TTC6: variants seen among roughly 807,000 people sequenced by gnomAD.
The protein encoded by TTC6 is tetratricopeptide repeat domain 6.
In TTC6, 172 loss-of-function variants were observed where a neutral mutation model predicts 210.4. The observed-to-expected ratio is 0.82, with a 90% CI of 0.72 to 0.93. TTC6 has a LOEUF of 0.93. Among genes scored for constraint, TTC6 ranks in the 40% least tolerant of loss-of-function variants. The pLI is 0.00. For missense variants in TTC6, 2,414 were observed against 2,318.1 expected (o/e 1.04, Z -0.85); for synonymous variants, 804 against 819.6 (o/e 0.98, Z 0.32).
chr14:37,786,010 G>C (rs2096066685), intron 14 of TTC6, among the ~76,000 whole-genome samples: 1 of 152,136 alleles, frequency 6.6e-6, no homozygotes, highest in Non-Finnish European at 1.5e-5. Context: ...GGGGCACCCG[G>C]CTGTATGAGG....
chr14:37,837,433 T>C (rs2096200278), intron 29 of TTC6: 2 of 455,064 alleles, frequency 4.4e-6, no homozygotes, highest in East Asian at 1.4e-4. Context: ...CAGAAGGATG[T>C]CAATTCTGTC....
chr14:37,809,994 T>C (rs1212921766), intron 24 of TTC6, among the ~76,000 whole-genome samples: 4 of 152,216 alleles, frequency 2.6e-5, no homozygotes, highest in Non-Finnish European at 5.9e-5. Context: ...GTTCACACAC[T>C]CTCCATTCTG....
intron 29 of TTC6, among the ~76,000 whole-genome samples, chr14:37,830,132 C>T (rs944402035): frequency 6.6e-5 from 10 of 151,982 alleles, no homozygotes; most frequent in Non-Finnish European, 1.5e-4. Context: ...CAGCATGGCT[C>T]CTTGACTCAT....
intron 20 of TTC6, 115 bp from the exon 23 acceptor site, chr14:37,804,565 A>G (rs1301887091): frequency 1.1e-5 from 14 of 1,325,452 alleles, no homozygotes; most frequent in South Asian, 1.4e-5. Context: ...GTCCCCAGAT[A>G]AAGTAAGAGT....
At chr14:37,641,922 G>T (rs2095692575) in intron 1 of TTC6, among the ~76,000 whole-genome samples, 2 of 152,214 alleles carry the variant, frequency 1.3e-5, no homozygotes, top group South Asian at 4.1e-4. Context: ...GATTAGCATA[G>T]TTGAGACTGG....
upstream of TTC6, among the ~76,000 whole-genome samples, chr14:37,617,923 T>G (rs2095645366): frequency 6.6e-6 from 1 of 152,232 alleles, no homozygotes; most frequent in South Asian, 2.1e-4. Context: ...CTTCTCAGTG[T>G]GGTCCCCTGA....
At chr14:37,765,409 C>CG (rs1363144986) in intron 14 of TTC6, among the ~76,000 whole-genome samples, 2 of 148,834 alleles carry the variant, frequency 1.3e-5, no homozygotes, top group Non-Finnish European at 3.0e-5. Flanking sequence ...TCAAACGCTT[C>CG]GCCTCAAGCA....
intron 1 of TTC6, among the ~76,000 whole-genome samples, chr14:37,643,197 A>G (rs2095695361): frequency 6.6e-6 from 1 of 152,072 alleles, no homozygotes; most frequent in Non-Finnish European, 1.5e-5. Flanking sequence ...AATTCCAGCT[A>G]CTCAGGAGGC....
chr14:37,830,844 G>A (rs2096183092), intron 29 of TTC6, among the ~76,000 whole-genome samples: 1 of 151,834 alleles, frequency 6.6e-6, no homozygotes, highest in Non-Finnish European at 1.5e-5. Flanking sequence ...TGGGGCACAT[G>A]ATATTTTGAT....
chr14:37,767,527 G>C (rs371938712), intron 14 of TTC6, among the ~76,000 whole-genome samples: 1 of 152,142 alleles, frequency 6.6e-6, no homozygotes, highest in Non-Finnish European at 1.5e-5. Flanking sequence ...TTGTGGTTTT[G>C]ATTTGCATTT....
intron 10 of TTC6, among the ~76,000 whole-genome samples, chr14:37,741,370 C>A (rs1388105416): frequency 6.8e-6 from 1 of 146,954 alleles, no homozygotes; most frequent in Non-Finnish European, 1.5e-5. Flanking sequence ...CTCACTGCAA[C>A]CTCTGCCTCC....
chr14:37,684,324 T>G (rs910735216), intron 3 of TTC6, among the ~76,000 whole-genome samples: 13 of 152,170 alleles, frequency 8.5e-5, no homozygotes, highest in African/African-American at 3.1e-4. Flanking sequence ...CCTATTGATC[T>G]TCCATGAATA....
intron 3 of TTC6, 77 bp downstream of exon 5, chr14:37,683,041 G>T: frequency 7.4e-7 from 1 of 1,358,888 alleles, no homozygotes; most frequent in African/African-American, 1.4e-5. Context: ...ATTGGCCCAG[G>T]CAAGGACCAA....
intron 15 of TTC6, among the ~76,000 whole-genome samples, chr14:37,789,693 C>G (rs1166382215): frequency 6.7e-6 from 1 of 148,786 alleles, no homozygotes; most frequent in Non-Finnish European, 1.5e-5. Context: ...TATATACCAT[C>G]TAGGTTTGTG....
intron 6 of TTC6, among the ~76,000 whole-genome samples, chr14:37,718,086 A>T (rs1373613072): frequency 6.6e-6 from 1 of 152,218 alleles, no homozygotes; most frequent in Non-Finnish European, 1.5e-5. Flanking sequence ...TTCTTTATAA[A>T]TTACCCAGTC....
At chr14:37,776,852 G>A (rs1303064756) in intron 14 of TTC6, among the ~76,000 whole-genome samples, 1 of 151,990 alleles carries the variant, frequency 6.6e-6, no homozygotes, top group African/African-American at 2.4e-5. Flanking sequence ...AGCCGAGATG[G>A]CACCATTTAA....
At chr14:37,757,318 T>C (rs536386197) in intron 14 of TTC6, among the ~76,000 whole-genome samples, 1 of 152,150 alleles carries the variant, frequency 6.6e-6, no homozygotes, top group African/African-American at 2.4e-5. Context: ...TGGAGTGCAG[T>C]GGCTCGATCT....
intron 1 of TTC6, among the ~76,000 whole-genome samples, chr14:37,597,373 A>C (rs1038182610): frequency 6.6e-6 from 1 of 152,060 alleles, no homozygotes; most frequent in East Asian, 1.9e-4. Flanking sequence ...GAGCAAGACT[A>C]GGTTATTTTC....
In TTC6 at chr14:37,792,467, A is replaced by T; in HGVS notation, c.3708+53A>T. 2.2e-6 allele frequency: 3 copies of T among 1,358,294 alleles called. No individual in the cohort carries two copies. In the South Asian group the frequency reaches 5.2e-5, roughly 23 times the overall value. The allele number at this position is 1,358,294 out of a possible 1,614,324, so 84.1% of individuals were successfully genotyped here. ...TTTTAAAAAAACTTTAATTTTCTGG[A>T]TATTTGTTCAACATAATTTTAATAT... On this transcript the variant is annotated intron_variant, in intron 17 of 30. Transcript: ENST00000553443.
Sources: allele counts gnomAD v4.1 joint callset (sites outside exome capture counted in the v4.1 genomes callset), GRCh38; gene constraint gnomAD v4.1.1; transcripts MANE v1.5; gene names NCBI Gene and HGNC (gene_info 2026-07-23, HGNC 2026-07-21).